Variants in SGCZ observed in about 807,000 individuals in gnomAD.
SGCZ encodes zeta-sarcoglycan.
SGCZ carries 40 observed loss-of-function variants against 41.3 expected under a neutral mutation model. The observed-to-expected ratio is 0.97, with a 90% CI of 0.75 to 1.26. The LOEUF (loss-of-function observed/expected upper bound fraction) is 1.26. Among genes scored for constraint, SGCZ ranks in the 50% most tolerant of loss-of-function variants. The probability of loss-of-function intolerance (pLI) is 0.00; values close to 1 mark genes in which losing one functional copy is unlikely to be tolerated. For synonymous variants in SGCZ, 206 were observed against 137.5 expected (o/e 1.50, Z -3.49); for missense variants, 552 against 369.8 (o/e 1.49, Z -4.04).
At chr8:14,685,993 G>A (rs1035450071) in intron 1 of SGCZ, among the ~76,000 whole-genome samples, 2 of 152,086 alleles carry the variant, frequency 1.3e-5, no homozygotes, top group South Asian at 2.1e-4. Flanking sequence ...TGGTCTAAAA[G>A]GAAAATTAAG....
At chr8:14,259,228 A>G (rs1305177582) in intron 3 of SGCZ, among the ~76,000 whole-genome samples, 2 of 152,232 alleles carry the variant, frequency 1.3e-5, no homozygotes, top group African/African-American at 4.8e-5. Flanking sequence ...ACACATGAAT[A>G]GAATTGGACC....
chr8:14,557,294 CTTTG>C (rs765917004), intron 1 of SGCZ, among the ~76,000 whole-genome samples: 1 of 148,250 alleles, frequency 6.7e-6, no homozygotes, highest in Non-Finnish European at 1.5e-5. Flanking sequence ...TTTTTTGCTA[CTTTG>C]TTTGAGTTCC....
chr8:14,198,202 G>T (rs932136817), intron 4 of SGCZ, among the ~76,000 whole-genome samples: 1 of 152,148 alleles, frequency 6.6e-6, no homozygotes, highest in African/African-American at 2.4e-5. Flanking sequence ...GAATCAGTCA[G>T]CCGTTTGTCT....
At position 14,253,405 on chromosome 8, in the gene SGCZ, G is replaced by A. The variant is rs62500203; in HGVS notation, c.337-15726C>T. Among the ~76,000 whole-genome samples, 419 of 152,182 alleles carry A rather than the reference G, an allele frequency of 2.8e-3. 2 individuals carry two copies. Among genetic ancestry groups the A allele is most frequent in the Non-Finnish European group, 3.6e-3 (247 of 67,994 alleles). The stretch of plus-strand genomic sequence containing the variant: ...GTGCTTACTTGTACTATTTGTACAA[G>A]TTTCATCCAGAAAAAGAGATTTCAA... On this transcript the variant is annotated intron_variant, in intron 3 of 7. Coordinates refer to ENST00000382080, the MANE Select transcript of SGCZ (RefSeq NM_139167.4).
chr8:14,276,762 G>C (rs766020956), intron 3 of SGCZ, among the ~76,000 whole-genome samples: 1 of 152,006 alleles, frequency 6.6e-6, no homozygotes, highest in Non-Finnish European at 1.5e-5. Context: ...TGTTTAACTG[G>C]GGCAGGAAAA....
At chr8:14,474,931 G>A (rs1449054221) in intron 2 of SGCZ, among the ~76,000 whole-genome samples, 2 of 152,086 alleles carry the variant, frequency 1.3e-5, no homozygotes, top group Non-Finnish European at 2.9e-5. Flanking sequence ...CCATTCTTTG[G>A]ATGTCTTTAT....
intron 3 of SGCZ, among the ~76,000 whole-genome samples, chr8:14,239,920 A>C (rs1798804797): frequency 6.7e-6 from 1 of 148,882 alleles, no homozygotes; most frequent in African/African-American, 2.5e-5. Flanking sequence ...AAAAAAAAAA[A>C]AAAAAAAAAA....
chr8:14,562,040 A>T (rs1234417796), intron 1 of SGCZ, among the ~76,000 whole-genome samples: 1 of 152,118 alleles, frequency 6.6e-6, no homozygotes, highest in African/African-American at 2.4e-5. Context: ...ATCACTAATA[A>T]TCGAGCCCTA....
intron 1 of SGCZ, among the ~76,000 whole-genome samples, chr8:15,101,637 T>C (rs926039825): frequency 5.3e-5 from 8 of 152,038 alleles, no homozygotes; most frequent in Non-Finnish European, 7.4e-5. Flanking sequence ...GGAATGAAAA[T>C]TGGTAAAAAT....
intron 2 of SGCZ, among the ~76,000 whole-genome samples, chr8:14,501,207 C>T (rs540445801): frequency 4.7e-4 from 71 of 151,718 alleles, no homozygotes; most frequent in Non-Finnish European, 7.7e-4. Flanking sequence ...CTCACTGACT[C>T]TTCTGCTTGC....
chr8:14,668,297 G>C (rs566127195), intron 1 of SGCZ, among the ~76,000 whole-genome samples: 3 of 152,210 alleles, frequency 2.0e-5, no homozygotes, highest in Admixed American at 1.3e-4. Flanking sequence ...CAAGCTCATA[G>C]GCGGAAATCT....
chr8:15,192,335 G>C (rs527372077), intron 1 of SGCZ, among the ~76,000 whole-genome samples: 2 of 151,912 alleles, frequency 1.3e-5, no homozygotes, highest in African/African-American at 4.8e-5. Flanking sequence ...TTTTAAGTAC[G>C]CATACAAATT....
chr8:14,954,494 C>A (rs769822699), intron 1 of SGCZ, among the ~76,000 whole-genome samples: 3 of 152,044 alleles, frequency 2.0e-5, no homozygotes, highest in African/African-American at 7.2e-5. Context: ...TAAAAGATGG[C>A]AAAGTTATGT....
chr8:14,156,320 C>T lies in SGCZ; in HGVS notation c.547+8260G>A, dbSNP rs559300245. On this transcript the variant is annotated intron_variant, in intron 5 of 7. Coordinates refer to ENST00000382080, the MANE Select transcript of SGCZ (RefSeq NM_139167.4). ...TAAAAATATAAAAAAGTTAGCCGGG[C>T]GTGGTGGTGGTCGCCTTGTAGTCCC... 2.4e-4 allele frequency among the ~76,000 whole-genome samples: 37 copies of T among 151,886 alleles called. No homozygotes were observed. The East Asian group carries it at 3.7e-3, about 15-fold the overall frequency.
chr8:14,996,067 C>G (rs1802206762), intron 1 of SGCZ, among the ~76,000 whole-genome samples: 2 of 151,986 alleles, frequency 1.3e-5, no homozygotes, highest in South Asian at 4.2e-4. Context: ...CCACGCCCAG[C>G]TAATTTTTTG....
At chr8:14,774,295 T>C (rs1009499333) in intron 1 of SGCZ, among the ~76,000 whole-genome samples, 1 of 152,196 alleles carries the variant, frequency 6.6e-6, no homozygotes, top group African/African-American at 2.4e-5. Flanking sequence ...GATTTTGGAC[T>C]TGTTAGTCTC....
intron 7 of SGCZ, among the ~76,000 whole-genome samples, chr8:14,094,297 C>T (rs554909742): frequency 6.6e-6 from 1 of 151,974 alleles, no homozygotes; most frequent in Admixed American, 6.6e-5. Flanking sequence ...CCCTAGCCCC[C>T]CCATGCCAGA....
At chr8:14,897,449 A>G (rs1805243163) in intron 1 of SGCZ, among the ~76,000 whole-genome samples, 1 of 152,142 alleles carries the variant, frequency 6.6e-6, no homozygotes, top group Non-Finnish European at 1.5e-5. Context: ...CTTTGGATCA[A>G]TGTCTTGTAG....
intron 1 of SGCZ, among the ~76,000 whole-genome samples, chr8:14,756,347 G>A (rs956441324): frequency 5.3e-5 from 8 of 151,956 alleles, no homozygotes; most frequent in Non-Finnish European, 7.4e-5. Context: ...CACCATGCAC[G>A]GCTAATTTTG....
Sources: allele counts gnomAD v4.1 joint callset (sites outside exome capture counted in the v4.1 genomes callset), GRCh38; gene constraint gnomAD v4.1.1; transcripts MANE v1.5; gene names NCBI Gene and HGNC (gene_info 2026-07-23, HGNC 2026-07-21).